Variants in USH2A observed in about 807,000 individuals in gnomAD.
USH2A encodes usherin.
A neutral mutation model predicts 538.9 loss-of-function variants in USH2A; 443 were observed. The ratio of observed to expected loss-of-function variants is 0.82; its 90% CI spans 0.76 to 0.89. The LOEUF (loss-of-function observed/expected upper bound fraction) is 0.89, where lower values mean the gene tolerates loss of function less well. Ranked by LOEUF, USH2A falls within the 40% of genes least tolerant of loss-of-function variation. The pLI is 0.00. For missense variants in USH2A, 6,633 were observed against 6,324.8 expected (o/e 1.05, Z -1.65); for synonymous variants, 2,413 against 2,273.5 (o/e 1.06, Z -1.75).
chr1:216,226,402 C>T (rs11120744), intron 14 of USH2A, among the ~76,000 whole-genome samples: 2,313 of 152,262 alleles, frequency 0.015, 63 homozygotes, highest in African/African-American at 0.051. Flanking sequence ...CAAGAACATA[C>T]TTCTCTTCCT....
chr1:216,068,573 T>C (rs1427650627), intron 30 of USH2A, among the ~76,000 whole-genome samples: 11 of 152,098 alleles, frequency 7.2e-5, no homozygotes, highest in Non-Finnish European at 1.5e-4. Flanking sequence ...CATACTCTAC[T>C]GCAGCAGACA....
At chr1:215,704,367 C>T (rs1296189187) in intron 61 of USH2A, among the ~76,000 whole-genome samples, 1 of 152,220 alleles carries the variant, frequency 6.6e-6, no homozygotes, top group African/African-American at 2.4e-5. Context: ...GAGAGGAAAT[C>T]ATGGCATCCT....
At position 215,913,737 on chromosome 1, in the gene USH2A, A is replaced by C. The variant is rs182481289; in HGVS notation, c.7301-12832T>G. Among the ~76,000 whole-genome samples, 231 of 151,832 alleles carry C rather than the reference A, an allele frequency of 1.5e-3. 4 individuals carry two copies. The highest frequency in any genetic ancestry group is 4.6e-4 in the Admixed American group (7 of 15,242). Reference sequence around the variant, plus strand: ...CATCTTATTGATATACTTTGATTCGAGTTTTTTTTTTCCATAAAAGTTGAG... The same window carrying C: ...CATCTTATTGATATACTTTGATTCGCGTTTTTTTTTTCCATAAAAGTTGAG... On this transcript the variant is annotated intron_variant, in intron 38 of 71. Transcript: ENST00000307340.
intron 44 of USH2A, among the ~76,000 whole-genome samples, chr1:215,849,368 TAAGA>T (rs1203233892): frequency 4.6e-5 from 7 of 152,018 alleles, no homozygotes; most frequent in African/African-American, 1.4e-4. Flanking sequence ...CTGCCTTAAA[TAAGA>T]AAGGAGAGCA....
At chr1:215,698,509 C>A (rs1205884295) in intron 61 of USH2A, among the ~76,000 whole-genome samples, 1 of 152,136 alleles carries the variant, frequency 6.6e-6, no homozygotes, top group Non-Finnish European at 1.5e-5. Flanking sequence ...TTTTAATTAT[C>A]ACCATTCCAA....
At position 216,000,674 on chromosome 1, in the gene USH2A, T is replaced by C. The variant is rs113849814; in HGVS notation, c.6326-112A>G. On this transcript the variant is annotated intron_variant, in intron 32 of 71. Coordinates refer to ENST00000307340, the MANE Select transcript of USH2A (RefSeq NM_206933.4). ...AGAATTGTTAAGATAAGGCTTAAAA[T>C]ATGAATAAATAGCCATAAAAATCAA... 2,437 of 1,287,682 alleles carry C rather than the reference T, an allele frequency of 1.9e-3. 40 individuals are homozygous for C. The African/African-American group carries it at 0.032, about 17-fold the overall frequency. The allele number at this position is 1,287,682 out of a possible 1,614,324, so 79.8% of individuals were successfully genotyped here. A position where few individuals can be genotyped will look rare whatever the true frequency, so the allele number is the denominator to read the frequency against.
chr1:216,259,729 C>T (rs540077000), intron 11 of USH2A, among the ~76,000 whole-genome samples: 2 of 152,100 alleles, frequency 1.3e-5, no homozygotes, highest in South Asian at 2.1e-4. Flanking sequence ...GAAAAATATG[C>T]ATCTGAATAC....
chr1:216,018,193 T>C (rs747656617), intron 32 of USH2A, among the ~76,000 whole-genome samples: 1 of 152,262 alleles, frequency 6.6e-6, no homozygotes, highest in South Asian at 2.1e-4. Context: ...CAAAGAGGGA[T>C]CATTTGGGGT....
chr1:216,191,740 A>C (rs2034720517), intron 19 of USH2A, among the ~76,000 whole-genome samples: 1 of 151,970 alleles, frequency 6.6e-6, no homozygotes, highest in African/African-American at 2.4e-5. Flanking sequence ...TAATCCTGGT[A>C]GATTTCAATG....
At chr1:215,629,170 A>T in intron 70 of USH2A, 135 bp from the exon 71 acceptor site, 1 of 948,244 alleles carries the variant, frequency 1.1e-6, no homozygotes, top group Non-Finnish European at 1.7e-6. Flanking sequence ...CAATGAAGGG[A>T]ACAACTGTCA....
In USH2A at chr1:215,658,890, G is replaced by A. The variant is rs538205628; in HGVS notation, c.14134-8089C>T. ...AAAATATATACTTTATCCACAATAA[G>A]TTGCTAGAAGAAGCTAAGATCACAA... is the stretch of plus-strand genomic sequence containing the variant. On this transcript the variant is annotated intron_variant, in intron 64 of 71. Transcript: ENST00000307340. Among the ~76,000 whole-genome samples, 3 of 152,262 alleles carry A rather than the reference G, an allele frequency of 2.0e-5. No individual in the cohort carries two copies. The South Asian group carries it at 6.2e-4, about 32-fold the overall frequency.
intron 30 of USH2A, among the ~76,000 whole-genome samples, chr1:216,069,880 G>A (rs2031499401): frequency 6.6e-6 from 1 of 152,054 alleles, no homozygotes; most frequent in African/African-American, 2.4e-5. Flanking sequence ...ATCTACCTTA[G>A]AATAAAATTA....
chr1:215,813,089 G>A (rs1284109443), intron 49 of USH2A, among the ~76,000 whole-genome samples: 1 of 152,130 alleles, frequency 6.6e-6, no homozygotes, highest in Non-Finnish European at 1.5e-5. Flanking sequence ...GAGAGACTTG[G>A]TACTTTAAAA....
chr1:216,392,372 C>T (rs924210912), intron 3 of USH2A, among the ~76,000 whole-genome samples: 13 of 151,278 alleles, frequency 8.6e-5, no homozygotes, highest in South Asian at 2.1e-4. Flanking sequence ...TGGTGGCAGG[C>T]GCCTGTAGTC....
intron 32 of USH2A, among the ~76,000 whole-genome samples, chr1:216,029,856 C>T (rs193232158): frequency 1.3e-5 from 2 of 150,952 alleles, no homozygotes; most frequent in Non-Finnish European, 3.0e-5. Context: ...CTAACACAGA[C>T]AATAAAAATC....
At position 215,845,819 on chromosome 1, in the gene USH2A, C is replaced by T; in HGVS notation, c.9055+5G>A. ...AGGCAAATATCCTTTAGAATCTGGA[C>T]TCACCCCCATCGCAAGTGGTTGCAT... On this transcript the variant is annotated splice_donor_5th_base_variant and intron_variant, in intron 45 of 71. Coordinates refer to ENST00000307340, the MANE Select transcript of USH2A (RefSeq NM_206933.4). 6.2e-7 allele frequency: 1 copy of T among 1,613,080 alleles called. No homozygotes were observed. The highest frequency in any genetic ancestry group is 8.5e-7 in the Non-Finnish European group (1 of 1,179,518).
intron 21 of USH2A, among the ~76,000 whole-genome samples, chr1:216,165,478 C>T (rs1386856766): frequency 6.6e-6 from 1 of 152,106 alleles, no homozygotes; most frequent in Non-Finnish European, 1.5e-5. Context: ...GTCTCTGGTA[C>T]TATACAGTTT....
At chr1:215,786,396 GAT>G (rs572903743) in intron 52 of USH2A, among the ~76,000 whole-genome samples, 97 of 152,308 alleles carry the variant, frequency 6.4e-4, no homozygotes, top group Non-Finnish European at 1.2e-3. Flanking sequence ...AAATTAACTG[GAT>G]ATAGCAGTAA....
At chr1:216,007,073 C>A (rs1668410794) in intron 32 of USH2A, among the ~76,000 whole-genome samples, 1 of 152,076 alleles carries the variant, frequency 6.6e-6, no homozygotes, top group South Asian at 2.1e-4. Flanking sequence ...TCTAATGGTT[C>A]CATAAGGGGT....
Sources: gnomAD v4.1 joint callset for allele counts (sites outside exome capture counted in the v4.1 genomes callset) on GRCh38, gnomAD v4.1.1 for gene constraint, MANE v1.5 for transcripts, NCBI Gene and HGNC (gene_info 2026-07-23, HGNC 2026-07-21) for gene names.